The following FNIP2 variants were observed in gnomAD, a reference collection of about 807,000 sequenced individuals.
FNIP2 encodes folliculin interacting protein 2, also known as folliculin-interacting protein 2.
Under a neutral mutation model 108.7 loss-of-function variants are expected in FNIP2, and 32 were observed. That is an observed-to-expected ratio of 0.29 (90% CI 0.22 to 0.40). FNIP2 has a LOEUF of 0.40. Among genes scored for constraint, FNIP2 ranks in the 10% least tolerant of loss-of-function variants. The pLI is 1.00. For synonymous variants in FNIP2, 480 were observed against 496.7 expected, an observed-to-expected ratio of 0.97 and a Z score of 0.45; for missense variants, 1,202 against 1,381.6, an observed-to-expected ratio of 0.87 and a Z score of 2.06.
chr4:158,868,062 C>T lies in FNIP2; in HGVS notation c.1466-40C>T, dbSNP rs766137111. The T allele has an allele frequency of 1.2e-6, 2 of 1,601,606 alleles. No individual in the cohort carries two copies. Among genetic ancestry groups the T allele is most frequent in the Non-Finnish European group, 1.7e-6 (2 of 1,172,558 alleles). On this transcript the variant is annotated intron_variant, in intron 12 of 16. Coordinates refer to ENST00000264433, the MANE Select transcript of FNIP2 (RefSeq NM_020840.3). The surrounding 1 kb of genome is among the most constrained non-coding windows in gnomAD (Gnocchi z 4.6). ...ACGGATATATCTGTGACATGCTAAC[C>T]CCAGAGACCACTGCCTTTGTGTCCA... is the stretch of plus-strand genomic sequence containing the variant.
At chr4:158,797,895 G>C (rs1776639596) in intron 1 of FNIP2, among the ~76,000 whole-genome samples, 1 of 152,054 alleles carries the variant, frequency 6.6e-6, no homozygotes, top group African/African-American at 2.4e-5. Context: ...GGGGCTTCTG[G>C]CAAGACCTTC....
chr4:158,827,397 C>G lies in FNIP2; in HGVS notation c.234+1355C>G, dbSNP rs140346181. ...ACAAGTTTTCAAAAGGAACTGGAAT[C>G]TTCAGTGTACCAGAGCACTGATAAT... On this transcript the variant is annotated intron_variant, in intron 2 of 16. Coordinates refer to ENST00000264433, the MANE Select transcript of FNIP2 (RefSeq NM_020840.3). 2.1e-3 allele frequency among the ~76,000 whole-genome samples: 318 copies of G among 152,302 alleles called. 2 individuals are homozygous for G. The highest frequency in any genetic ancestry group is 4.6e-3 in the South Asian group (22 of 4,820).
At chr4:158,848,753 A>G (rs1265243171) in intron 7 of FNIP2, among the ~76,000 whole-genome samples, 3 of 152,216 alleles carry the variant, frequency 2.0e-5, no homozygotes, top group Non-Finnish European at 4.4e-5. Context: ...GAATCCTATC[A>G]GATATATTTA....
At chr4:158,779,222 A>G (rs911860007) in intron 1 of FNIP2, among the ~76,000 whole-genome samples, 5 of 152,220 alleles carry the variant, frequency 3.3e-5, no homozygotes, top group African/African-American at 1.2e-4. Flanking sequence ...GTGCATGAAA[A>G]TGTTTAAAAA....
At chr4:158,771,070 T>C (rs1374627453) in intron 1 of FNIP2, among the ~76,000 whole-genome samples, 1 of 152,266 alleles carries the variant, frequency 6.6e-6, no homozygotes, top group East Asian at 1.9e-4. Flanking sequence ...GTGTTCTGAC[T>C]TCTCATTTGT....
At chr4:158,881,932 C>A (rs538798913) in intron 14 of FNIP2, among the ~76,000 whole-genome samples, 22 of 151,706 alleles carry the variant, frequency 1.5e-4, no homozygotes, top group African/African-American at 4.6e-4. Flanking sequence ...ATGTGAGGAG[C>A]CCCTCTGCCT....
At chr4:158,858,096 G>A (rs1020413826) in intron 8 of FNIP2, among the ~76,000 whole-genome samples, 1 of 152,320 alleles carries the variant, frequency 6.6e-6, no homozygotes, top group East Asian at 1.9e-4. Context: ...GGGGCAGAAG[G>A]CTAATTCTCA....
intron 7 of FNIP2, among the ~76,000 whole-genome samples, chr4:158,844,204 A>T (rs372495008): frequency 1.3e-5 from 2 of 152,218 alleles, no homozygotes; most frequent in South Asian, 2.1e-4. Context: ...CCAATCTGTC[A>T]TATTAACAGA....
At position 158,816,306 on chromosome 4, in the gene FNIP2, ATTTAC is replaced by A. The variant is rs574399347; in HGVS notation, c.108-9606_108-9602del. ...TAACATATAAGGCAATGTCTTGGGT[ATTTAC>A]TTTGAAATTTATTCCGTTGTCTATT... is the stretch of plus-strand genomic sequence containing the variant. On this transcript the variant is annotated intron_variant, in intron 1 of 16. Coordinates refer to ENST00000264433, the MANE Select transcript of FNIP2 (RefSeq NM_020840.3). Among the ~76,000 whole-genome samples the A allele has an allele frequency of 1.3e-3, 199 of 152,260 alleles. 1 individual carries two copies. In the Middle Eastern group the frequency reaches 0.031, roughly 23 times the overall value.
intron 12 of FNIP2, 111 bp downstream of exon 12, chr4:158,861,887 TG>T (rs1240492889): frequency 7.8e-7 from 1 of 1,285,238 alleles, no homozygotes; most frequent in Non-Finnish European, 1.1e-6. Flanking sequence ...AGGTTGTCTT[TG>T]GGCAGATGAG....
At position 158,906,046 on chromosome 4, in the gene FNIP2, G is replaced by A. The variant is rs1415212274; in HGVS notation, c.*1502G>A. 6.6e-6 allele frequency: 1 copy of A among 152,100 alleles called. No homozygotes were observed. Among genetic ancestry groups the A allele is most frequent in the Non-Finnish European group, 1.5e-5 (1 of 68,038 alleles). The allele number at this position is 152,100 out of a possible 1,614,324, so 9.4% of individuals were successfully genotyped here. A position where few individuals can be genotyped will look rare whatever the true frequency, so the allele number is the denominator to read the frequency against. On this transcript the variant is annotated 3_prime_UTR_variant, in exon 17 of 17. Coordinates refer to ENST00000264433, the MANE Select transcript of FNIP2 (RefSeq NM_020840.3). ...TGCTACCTTTCCCTTTTTTAATGAT[G>A]CAAAATGTAGATGAGTGCATTAAGT... is the stretch of plus-strand genomic sequence containing the variant.
chr4:158,848,216 A>G (rs1005239278), intron 7 of FNIP2, among the ~76,000 whole-genome samples: 7 of 152,184 alleles, frequency 4.6e-5, no homozygotes, highest in Non-Finnish European at 7.3e-5. Flanking sequence ...GGTCTGCCCC[A>G]ATACAGTCTC....
chr4:158,901,497 T>C (rs1425247633), intron 16 of FNIP2, among the ~76,000 whole-genome samples: 2 of 152,106 alleles, frequency 1.3e-5, no homozygotes, highest in Non-Finnish European at 2.9e-5. Context: ...AGTATCTTTG[T>C]GGTGTTCTCT....
chr4:158,866,239 G>C (rs1285973093), intron 12 of FNIP2, among the ~76,000 whole-genome samples: 6 of 1,006 alleles, frequency 6.0e-3, no homozygotes, highest in Non-Finnish European at 0.019. Context: ...TTTTTTTTGA[G>C]ACAGAGTCTT....
chr4:158,883,303 G>A (rs918845380), intron 14 of FNIP2, among the ~76,000 whole-genome samples: 3 of 151,958 alleles, frequency 2.0e-5, no homozygotes, highest in Non-Finnish European at 4.4e-5. Context: ...GTGCAGTGGC[G>A]CAGTCTCGGC....
intron 7 of FNIP2, among the ~76,000 whole-genome samples, chr4:158,840,644 CCTCAGCCTCCCAAA>C (rs1246596752): frequency 6.6e-6 from 1 of 152,184 alleles, no homozygotes; most frequent in Non-Finnish European, 1.5e-5. Context: ...GATTCACCCA[CCTCAGCCTCCCAAA>C]GTGCTGGGAT....
At chr4:158,904,423 A>C (rs917314626) in intron 16 of FNIP2, 43 bp from the exon 17 acceptor site, 1 of 1,467,456 alleles carries the variant, frequency 6.8e-7, no homozygotes, top group Non-Finnish European at 9.5e-7. Flanking sequence ...TCATAAAACC[A>C]TGCTCTTTTA....
intron 1 of FNIP2, among the ~76,000 whole-genome samples, chr4:158,774,292 G>C (rs1447417767): frequency 6.6e-6 from 1 of 152,030 alleles, no homozygotes; most frequent in Non-Finnish European, 1.5e-5. Context: ...AATTTTTTGT[G>C]TTTTATTCTT....
Position 158,868,139 on chromosome 4 carries a change from G to T in FNIP2, c.1503G>T (p.Leu501=), listed in dbSNP as rs1229088615. 1 of 1,614,012 alleles carries T rather than the reference G, an allele frequency of 6.2e-7. No homozygotes were observed. ...LYGAIGSPVR[L]TRTVVVGKQK... ...GAGCCATAGGCTCTCCAGTGAGACT[G>T]ACTCGCACCGTAGTGGTAGGGAAGC... The change falls in exon 13 of 17, where the codon CTG becomes CTT. Residue 501 remains leucine (L), a synonymous_variant. Transcript: ENST00000264433. This position sits in a 1 kb window ranked among gnomAD's most constrained non-coding sequence, Gnocchi z 4.6.
Sources: gnomAD v4.1 joint callset for allele counts (sites outside exome capture counted in the v4.1 genomes callset) on GRCh38, gnomAD v4.1.1 for gene constraint, Gnocchi (gnomAD v3.1) non-coding constraint, MANE v1.5 for transcripts, NCBI Gene and HGNC (gene_info 2026-07-23, HGNC 2026-07-21) for gene names.